Variants in COL25A1 observed in about 807,000 individuals in gnomAD.
The protein encoded by COL25A1 is collagen alpha-1(XXV) chain.
In COL25A1, 103 loss-of-function variants were observed where a neutral mutation model predicts 128.4. The ratio of observed to expected loss-of-function variants is 0.80; its 90% CI spans 0.68 to 0.94. COL25A1 has a LOEUF of 0.94. COL25A1 is among the 40% of genes least tolerant of loss of function. The pLI is 0.00. For missense variants in COL25A1, 745 were observed against 840.0 expected (o/e 0.89, Z 1.40); for synonymous variants, 279 against 277.2 (o/e 1.01, Z -0.06).
At chr4:108,924,664 T>C (rs1264262725) in intron 11 of COL25A1, among the ~76,000 whole-genome samples, 4 of 152,164 alleles carry the variant, frequency 2.6e-5, no homozygotes, top group Non-Finnish European at 5.9e-5. Flanking sequence ...CTACTTTTGG[T>C]CTCCTCCAAT....
chr4:108,878,945 A>G (rs1167584126), intron 19 of COL25A1, among the ~76,000 whole-genome samples: 1 of 152,156 alleles, frequency 6.6e-6, no homozygotes, highest in Non-Finnish European at 1.5e-5. Flanking sequence ...CCGGTACTCC[A>G]TTTCCTTTTT....
intron 3 of COL25A1, among the ~76,000 whole-genome samples, chr4:109,279,874 A>C (rs1446724246): frequency 6.6e-6 from 1 of 152,140 alleles, no homozygotes; most frequent in Non-Finnish European, 1.5e-5. Flanking sequence ...CTGTAGACCA[A>C]ATCAGTTCTG....
chr4:108,852,407 C>A, intron 25 of COL25A1, 127 bp from the exon 26 acceptor site: 3 of 704,566 alleles, frequency 4.3e-6, no homozygotes, highest in Non-Finnish European at 4.6e-6. Context: ...TATAAATTTG[C>A]AATGAGGAAA....
In COL25A1 at chr4:109,033,730, T is replaced by A. The variant is rs1180296359; in HGVS notation, c.420+14438A>T. On this transcript the variant is annotated intron_variant, in intron 5 of 37. Coordinates refer to ENST00000399132, the MANE Select transcript of COL25A1 (RefSeq NM_198721.4). ...CATTTAATAATGCTATAAAATCTAA[T>A]CTTTGCAGGGAAAAAAAAAGCTAAT... Among the ~76,000 whole-genome samples, 5 of 152,052 alleles carry A rather than the reference T, an allele frequency of 3.3e-5. 1 individual carries two copies. Among genetic ancestry groups the A allele is most frequent in the African/African-American group, 7.2e-5 (3 of 41,382 alleles).
chr4:109,164,600 A>T (rs1772894521), intron 3 of COL25A1, among the ~76,000 whole-genome samples: 1 of 152,208 alleles, frequency 6.6e-6, no homozygotes, highest in Non-Finnish European at 1.5e-5. Context: ...TAGGTTAGCA[A>T]CATTCATTTA....
At chr4:109,127,211 G>A (rs541645062) in intron 3 of COL25A1, among the ~76,000 whole-genome samples, 2 of 152,146 alleles carry the variant, frequency 1.3e-5, no homozygotes, top group Non-Finnish European at 2.9e-5. Context: ...TGAGTATGAG[G>A]ACCATGCCTT....
intron 3 of COL25A1, among the ~76,000 whole-genome samples, chr4:109,202,846 G>A (rs896083739): frequency 6.6e-6 from 1 of 151,934 alleles, no homozygotes; most frequent in African/African-American, 2.4e-5. Context: ...TAGATACATA[G>A]ACATCTATAT....
At chr4:108,871,825 T>A (rs912711845) in intron 19 of COL25A1, among the ~76,000 whole-genome samples, 6 of 152,204 alleles carry the variant, frequency 3.9e-5, no homozygotes, top group Non-Finnish European at 8.8e-5. Flanking sequence ...CTCCATTCTC[T>A]CTATATCTTG....
At chr4:108,870,635 A>T (rs1478415399) in intron 19 of COL25A1, among the ~76,000 whole-genome samples, 1 of 152,226 alleles carries the variant, frequency 6.6e-6, no homozygotes, top group Non-Finnish European at 1.5e-5. Context: ...AGAGAAATCA[A>T]TGGCGATTAT....
At chr4:108,889,098 CTG>C (rs1359001087) in intron 18 of COL25A1, 121 bp downstream of exon 18, 1 of 920,444 alleles carries the variant, frequency 1.1e-6, no homozygotes, top group African/African-American at 1.7e-5. Context: ...CAATAACACT[CTG>C]TAATGCAAAA....
At chr4:109,235,630 A>T (rs988583837) in intron 3 of COL25A1, among the ~76,000 whole-genome samples, 2 of 152,042 alleles carry the variant, frequency 1.3e-5, no homozygotes, top group East Asian at 1.9e-4. Flanking sequence ...CAGTCTAACC[A>T]TTAGCTGACC....
intron 27 of COL25A1, among the ~76,000 whole-genome samples, 186 bp from the exon 28 acceptor site, chr4:108,846,405 T>C (rs889645937): frequency 6.6e-6 from 1 of 152,216 alleles, no homozygotes; most frequent in Non-Finnish European, 1.5e-5. Flanking sequence ...GTACTATTTC[T>C]CCTTGTAATG....
intron 24 of COL25A1, among the ~76,000 whole-genome samples, chr4:108,856,137 C>G (rs938785101): frequency 2.0e-5 from 3 of 152,112 alleles, no homozygotes; most frequent in African/African-American, 7.2e-5. Context: ...AGGTTACTTT[C>G]TTTCATTTCT....
At chr4:108,815,680 A>G (rs573817256) in intron 37 of COL25A1, among the ~76,000 whole-genome samples, 2 of 152,284 alleles carry the variant, frequency 1.3e-5, no homozygotes, top group Admixed American at 1.3e-4. Flanking sequence ...TTCTAATCGT[A>G]TTCATATTAC....
chr4:109,010,640 T>C (rs1410096647), intron 5 of COL25A1, among the ~76,000 whole-genome samples: 3 of 152,266 alleles, frequency 2.0e-5, no homozygotes, highest in Admixed American at 6.5e-5. Context: ...TAAAATTTAA[T>C]TGGAAAAAGA....
intron 5 of COL25A1, among the ~76,000 whole-genome samples, chr4:109,039,395 T>C (rs1017888686): frequency 4.6e-5 from 7 of 152,226 alleles, no homozygotes; most frequent in African/African-American, 1.4e-4. Flanking sequence ...TTCAGCTTTA[T>C]TTCATACACC....
At chr4:109,102,432 G>A (rs1269060484) in intron 3 of COL25A1, among the ~76,000 whole-genome samples, 2 of 152,040 alleles carry the variant, frequency 1.3e-5, no homozygotes, top group Admixed American at 6.6e-5. Context: ...ATATAGTCTA[G>A]CTGTTGAATG....
At position 109,142,933 on chromosome 4, in the gene COL25A1, G is replaced by A. The variant is rs545990240; in HGVS notation, c.368-92754C>T. ...ATTTAAAGTTAATATTGTTATATGT[G>A]AATTTCTTACTGTCATTATGATGCT... On this transcript the variant is annotated intron_variant, in intron 3 of 37. Transcript: ENST00000399132. Among the ~76,000 whole-genome samples, 551 of 152,220 alleles carry A rather than the reference G, an allele frequency of 3.6e-3. 3 individuals are homozygous for A. The highest frequency in any genetic ancestry group is 0.013 in the African/African-American group (524 of 41,514).
intron 2 of COL25A1, 38 bp from the exon 3 acceptor site, chr4:109,300,690 C>G: frequency 7.1e-7 from 1 of 1,417,462 alleles, no homozygotes; most frequent in South Asian, 1.1e-5. Context: ...TCATCAGTAG[C>G]ACTGTAGAGG....
Sources: allele counts gnomAD v4.1 joint callset (sites outside exome capture counted in the v4.1 genomes callset), GRCh38; gene constraint gnomAD v4.1.1; transcripts MANE v1.5; gene names NCBI Gene and HGNC (gene_info 2026-07-23, HGNC 2026-07-21).